The following SI variants were observed in gnomAD, a reference collection of about 807,000 sequenced individuals.
SI encodes sucrase-isomaltase, intestinal.
In SI, 235 loss-of-function variants were observed where a neutral mutation model predicts 253.3. That is an observed-to-expected ratio of 0.93 (90% confidence interval 0.83 to 1.03). The LOEUF (loss-of-function observed/expected upper bound fraction) is 1.03, where lower values mean the gene tolerates loss of function less well. SI is among the 50% of genes least tolerant of loss of function. The probability of loss-of-function intolerance (pLI) is 0.00; values close to 1 mark genes in which losing one functional copy is unlikely to be tolerated. For missense variants in SI, 2,442 were observed against 2,211.1 expected, an observed-to-expected ratio of 1.10 and a Z score of -2.09; for synonymous variants, 819 against 712.0, an observed-to-expected ratio of 1.15 and a Z score of -2.39.
At chr3:165,019,397 T>C (rs1381100736) in intron 28 of SI, among the ~76,000 whole-genome samples, 1 of 151,940 alleles carries the variant, frequency 6.6e-6, no homozygotes, top group African/African-American at 2.4e-5. Context: ...AGCAAATTGT[T>C]ATCCATCCAC....
chr3:165,030,142 T>C (rs4557160), intron 25 of SI, among the ~76,000 whole-genome samples: 71,697 of 150,498 alleles, frequency 0.48, 17,848 homozygotes, highest in East Asian at 0.75. Context: ...AATGATGTAA[T>C]GAAAAGCCCA....
In SI at chr3:165,009,264, T is replaced by C. The variant is rs1347321852; in HGVS notation, c.4179+15A>G. 6.6e-7 allele frequency: 1 copy of C among 1,505,252 alleles called. No individual in the cohort carries two copies. Among genetic ancestry groups the C allele is most frequent in the Admixed American group, 1.7e-5 (1 of 59,826 alleles). The allele number at this position is 1,505,252 out of a possible 1,614,324, so 93.2% of individuals were successfully genotyped here. On this transcript the variant is annotated intron_variant, in intron 35 of 47. Transcript: ENST00000264382. ...ATAAATAACTTAAAACATAGATTGT[T>C]CAAAGCTTACTTACAATCCACAAAC... is the stretch of plus-strand genomic sequence containing the variant.
rs371393943 is a variant in SI at position 165,051,072 on chromosome 3, G to A, written c.1513-1197C>T. Among the ~76,000 whole-genome samples, 3 of 152,154 alleles carry A rather than the reference G, an allele frequency of 2.0e-5. No homozygotes were observed. In the East Asian group the frequency reaches 5.8e-4, roughly 29 times the overall value. ...CATGTAATGGTGAATCATTTGTATT[G>A]TAGTCATTTGTTTCATAAAATTATA... On this transcript the variant is annotated intron_variant, in intron 13 of 47. Coordinates refer to ENST00000264382, the MANE Select transcript of SI (RefSeq NM_001041.4).
intron 28 of SI, among the ~76,000 whole-genome samples, chr3:165,018,539 A>G (rs964523372): frequency 2.7e-5 from 4 of 150,594 alleles, no homozygotes; most frequent in Non-Finnish European, 5.9e-5. Context: ...TATATATTTT[A>G]TATTTATAGA....
At chr3:165,006,771 C>T in intron 37 of SI, 45 bp downstream of exon 37, 1 of 1,557,480 alleles carries the variant, frequency 6.4e-7, no homozygotes, top group Non-Finnish European at 8.8e-7. Flanking sequence ...ATGTAAGAAC[C>T]AAAGAATAAA....
chr3:165,066,869 CCAAAT>C (rs1168687380), intron 6 of SI, among the ~76,000 whole-genome samples: 19 of 152,024 alleles, frequency 1.2e-4, no homozygotes, highest in African/African-American at 4.3e-4. Flanking sequence ...TAGGAAATTA[CCAAAT>C]CTCTTGCACC....
At chr3:165,032,283 T>C (rs1421510365) in intron 24 of SI, among the ~76,000 whole-genome samples, 2 of 151,040 alleles carry the variant, frequency 1.3e-5, no homozygotes, top group South Asian at 2.1e-4. Flanking sequence ...GAAAATGAAA[T>C]ATATAGAGAG....
intron 12 of SI, among the ~76,000 whole-genome samples, chr3:165,056,001 A>G (rs552061465): frequency 3.3e-5 from 5 of 152,098 alleles, no homozygotes; most frequent in Non-Finnish European, 5.9e-5. Context: ...GTTAAACACT[A>G]TGTGTATTAT....
Position 165,059,088 on chromosome 3 carries a change from A to G in SI, c.1279-6T>C. The G allele has an allele frequency of 1.2e-6, 2 of 1,611,054 alleles. No homozygotes were observed. Among genetic ancestry groups the G allele is most frequent in the Non-Finnish European group, 1.7e-6 (2 of 1,178,806 alleles). On this transcript the variant is annotated splice_polypyrimidine_tract_variant and splice_region_variant and intron_variant, in intron 11 of 47. Coordinates refer to ENST00000264382, the MANE Select transcript of SI (RefSeq NM_001041.4). ...CCTATGGAAATTGCAGGGTCCTAAT[A>G]ATAGAAAGCAGAAACTGCAAAATCT... is the stretch of plus-strand genomic sequence containing the variant.
At chr3:165,039,493 C>A (rs1241146458) in intron 19 of SI, among the ~76,000 whole-genome samples, 7 of 152,044 alleles carry the variant, frequency 4.6e-5, no homozygotes, top group Non-Finnish European at 5.9e-5. Context: ...CAACCCACTC[C>A]AGTGTTTCTC....
chr3:165,008,698 A>G (rs575091344), intron 35 of SI, among the ~76,000 whole-genome samples: 1 of 152,138 alleles, frequency 6.6e-6, no homozygotes, highest in African/African-American at 2.4e-5. Context: ...GCTTTTTTCA[A>G]TTTAAAAAAT....
intron 25 of SI, among the ~76,000 whole-genome samples, chr3:165,025,094 C>T (rs1344403187): frequency 6.6e-6 from 1 of 151,210 alleles, no homozygotes; most frequent in African/African-American, 2.4e-5. Context: ...TTTGTCATTT[C>T]CTCCTTGGCT....
intron 38 of SI, among the ~76,000 whole-genome samples, chr3:164,997,275 C>T (rs541902953): frequency 6.6e-6 from 1 of 151,560 alleles, no homozygotes; most frequent in Non-Finnish European, 1.5e-5. Context: ...AGGAATATTT[C>T]TAAGAATTAA....
chr3:165,035,747 G>T (rs2108210535), intron 22 of SI, among the ~76,000 whole-genome samples: 1 of 151,434 alleles, frequency 6.6e-6, no homozygotes, highest in Admixed American at 6.6e-5. Context: ...GAAGAAACGA[G>T]ATTTTTCTAA....
At chr3:165,079,976 C>T (rs1022773979), upstream of SI, among the ~76,000 whole-genome samples, 7 of 151,952 alleles carry the variant, frequency 4.6e-5, no homozygotes, top group South Asian at 2.1e-4. Context: ...TAATCTAAAT[C>T]AAAACTCCAT....
rs1019410354 is a variant in SI, at chr3:165,033,442, T to C, written c.2518A>G (p.Thr840Ala). 1 of 1,538,414 alleles carries C rather than the reference T, an allele frequency of 6.5e-7. No homozygotes were observed. Among genetic ancestry groups the C allele is most frequent in the African/African-American group, 1.4e-5 (1 of 72,388 alleles). Residue 840 changes from threonine (T) to alanine (A), a missense_variant and splice_region_variant, in exon 23 of 48, where the codon ACA becomes GCA. Transcript: ENST00000264382. ...FFWDDGETKD[T>A]IQNGNYILYT... The stretch of plus-strand genomic sequence containing the variant: ...AATATGTAGTTGCCATTTTGTATTG[T>C]ATCTGAAATGAAAAATATCGTGATC...
chr3:165,068,677 A>G lies in SI; in HGVS notation c.483+45T>C, dbSNP rs531549252. The G allele has an allele frequency of 6.3e-6, 9 of 1,418,380 alleles. No homozygotes were observed. In the African/African-American group the frequency reaches 1.1e-4, roughly 18 times the overall value. 87.9% of individuals were successfully genotyped at this position (1,418,380 alleles called of 1,614,324 possible). ...CGTGAGCCACCGCGCCCAGCCCATC[A>G]AATGTCTTTTAGTATTAAATCTTTG... is the stretch of plus-strand genomic sequence containing the variant. On this transcript the variant is annotated intron_variant, in intron 5 of 47. Transcript: ENST00000264382.
intron 5 of SI, among the ~76,000 whole-genome samples, chr3:165,068,201 T>C (rs1415425102): frequency 6.6e-6 from 1 of 152,146 alleles, no homozygotes; most frequent in Non-Finnish European, 1.5e-5. Context: ...GTTTAAATAA[T>C]AAAAATTTTC....
chr3:165,032,708 TA>T lies in SI; in HGVS notation c.2566-17del. On this transcript the variant is annotated splice_polypyrimidine_tract_variant and intron_variant, in intron 23 of 47. Coordinates refer to ENST00000264382, the MANE Select transcript of SI (RefSeq NM_001041.4). The stretch of plus-strand genomic sequence containing the variant: ...CTAATGTGTTCTGAGAAAAATAGTA[TA>T]AGATATTATATATTAGGTCATCAGA... The T allele has an allele frequency of 6.6e-7, 1 of 1,523,258 alleles. No individual in the cohort carries two copies. Among genetic ancestry groups the T allele is most frequent in the Non-Finnish European group, 9.1e-7 (1 of 1,102,386 alleles). 94.4% of individuals were successfully genotyped at this position (1,523,258 alleles called of 1,614,324 possible).
Sources: allele counts gnomAD v4.1 joint callset (sites outside exome capture counted in the v4.1 genomes callset), GRCh38; gene constraint gnomAD v4.1.1; transcripts MANE v1.5; gene names NCBI Gene and HGNC (gene_info 2026-07-23, HGNC 2026-07-21).